The following ANK3 variants were observed in gnomAD, a reference collection of about 807,000 sequenced individuals.
The protein encoded by ANK3 is ankyrin-3.
ANK3 carries 57 observed loss-of-function variants against 370.9 expected under a neutral mutation model. That is an observed-to-expected ratio of 0.15 (90% confidence interval 0.12 to 0.19). ANK3 has a LOEUF of 0.19. Among genes scored for constraint, ANK3 ranks in the 10% least tolerant of loss-of-function variants. The probability of loss-of-function intolerance (pLI) is 1.00; values close to 1 mark genes in which losing one functional copy is unlikely to be tolerated. For synonymous variants in ANK3, 1,929 were observed against 1,946.3 expected (o/e 0.99, Z 0.23); for missense variants, 4,439 against 5,302.1 (o/e 0.84, Z 5.06).
chr10:60,082,554 T>C (rs548798175), intron 34 of ANK3, 61 bp downstream of exon 34: 7 of 1,581,576 alleles, frequency 4.4e-6, no homozygotes, highest in South Asian at 2.3e-5. Context: ...CTTAATTGCA[T>C]ACCAAAGGCC....
upstream of ANK3, among the ~76,000 whole-genome samples, chr10:60,390,537 T>C (rs977798675): frequency 1.3e-5 from 2 of 152,154 alleles, no homozygotes; most frequent in Non-Finnish European, 2.9e-5. Context: ...ATATTCATTA[T>C]GTGAAGTGAA....
intron 24 of ANK3, among the ~76,000 whole-genome samples, chr10:60,136,866 A>G (rs1406277014): frequency 6.6e-6 from 1 of 152,188 alleles, no homozygotes; most frequent in Non-Finnish European, 1.5e-5. Context: ...AGGATCTAGA[A>G]AACATTAAAT....
intron 2 of ANK3, among the ~76,000 whole-genome samples, chr10:60,590,194 C>T (rs1471562087): frequency 6.6e-6 from 1 of 152,148 alleles, no homozygotes; most frequent in Non-Finnish European, 1.5e-5. Flanking sequence ...AATATCGTAG[C>T]CACCAGTCAT....
At chr10:60,235,507 A>C (rs1046618166) in intron 7 of ANK3, among the ~76,000 whole-genome samples, 19 of 151,344 alleles carry the variant, frequency 1.3e-4, no homozygotes, top group African/African-American at 4.6e-4. Context: ...CCAGACTGTC[A>C]AGGAAATGTA....
At chr10:60,226,457 G>A (rs2097146034) in intron 8 of ANK3, among the ~76,000 whole-genome samples, 1 of 108,008 alleles carries the variant, frequency 9.3e-6, no homozygotes, top group African/African-American at 3.7e-5. Flanking sequence ...ATAAAATATA[G>A]TATATATACA....
chr10:60,385,286 C>T (rs1479372940), intron 1 of ANK3, among the ~76,000 whole-genome samples: 1 of 151,820 alleles, frequency 6.6e-6, no homozygotes, highest in Non-Finnish European at 1.5e-5. Flanking sequence ...CATGAGACTC[C>T]TGTTCTTCTG....
chr10:60,085,894 C>A (rs1033537976), intron 30 of ANK3, among the ~76,000 whole-genome samples: 1 of 152,092 alleles, frequency 6.6e-6, no homozygotes, highest in Non-Finnish European at 1.5e-5. Context: ...GGATTACAGG[C>A]GTGAGCCACC....
intron 18 of ANK3, among the ~76,000 whole-genome samples, chr10:60,180,393 C>A (rs2096124282): frequency 6.6e-6 from 1 of 152,028 alleles, no homozygotes; most frequent in Non-Finnish European, 1.5e-5. Context: ...GTGAAGAGAT[C>A]AAGACCATCC....
At chr10:60,659,535 G>A (rs1288087648) in intron 1 of ANK3, among the ~76,000 whole-genome samples, 1 of 152,030 alleles carries the variant, frequency 6.6e-6, no homozygotes, top group Non-Finnish European at 1.5e-5. Context: ...GAAGTAGTCG[G>A]CAGTTGTACA....
intron 2 of ANK3, among the ~76,000 whole-genome samples, chr10:60,573,182 A>G (rs1232311060): frequency 6.6e-6 from 1 of 152,032 alleles, no homozygotes; most frequent in Non-Finnish European, 1.5e-5. Context: ...ACCTACCACT[A>G]CTGGAGAAGT....
chr10:60,569,598 A>G (rs2077543780), intron 2 of ANK3, among the ~76,000 whole-genome samples: 1 of 152,200 alleles, frequency 6.6e-6, no homozygotes, highest in African/African-American at 2.4e-5. Flanking sequence ...GAATCATTAT[A>G]TTCCTGATCA....
intron 2 of ANK3, chr10:60,572,635 G>C: frequency 1.4e-6 from 2 of 1,475,482 alleles, no homozygotes; most frequent in South Asian, 2.8e-5. Context: ...CCATTTACGG[G>C]TGCTCCCCAG....
intron 25 of ANK3, among the ~76,000 whole-genome samples, chr10:60,124,083 T>C (rs540218726): frequency 6.6e-6 from 1 of 152,218 alleles, no homozygotes; most frequent in African/African-American, 2.4e-5. Context: ...CCAAGTAATG[T>C]GAAAGTGGCT....
intron 2 of ANK3, among the ~76,000 whole-genome samples, chr10:60,410,972 C>A (rs1205458816): frequency 1.3e-5 from 2 of 152,126 alleles, no homozygotes; most frequent in Non-Finnish European, 2.9e-5. Context: ...CTGTACCTGG[C>A]CTCTCCCATC....
At chr10:60,116,987 T>G (rs1316796773) in intron 25 of ANK3, among the ~76,000 whole-genome samples, 1 of 152,098 alleles carries the variant, frequency 6.6e-6, no homozygotes, top group East Asian at 1.9e-4. Context: ...TGGTCACAGA[T>G]GGAGGGTCTG....
chr10:60,075,957 T>A lies in ANK3; in HGVS notation c.4924A>T (p.Thr1642Ser), dbSNP rs769122589. The change falls in exon 37 of 44, where the codon ACA becomes TCA. Residue 1642 changes from threonine to serine, a missense_variant. This residue lies in a region of ANK3 where 679 missense variants were observed against 791.0 expected (regional missense o/e 0.86). Transcript: ENST00000280772. The stretch of plus-strand genomic sequence containing the variant: ...TTTGATTTGGGGGAGGCAGGGGGTG[T>A]CATAGTAATTGATGACCTCTCCAAA... ...SLLERSSITM[T>S]PPASPKSNIN... The A allele has an allele frequency of 6.2e-7, 1 of 1,614,082 alleles. No individual in the cohort carries two copies. The highest frequency in any genetic ancestry group is 8.5e-7 in the Non-Finnish European group (1 of 1,179,992).
rs141150655 is a variant in ANK3 at position 60,596,624 on chromosome 10, A to G, written c.96+18562T>C. Among the ~76,000 whole-genome samples, 37 of 152,352 alleles carry G rather than the reference A, an allele frequency of 2.4e-4. No homozygotes were observed. The East Asian group carries it at 6.0e-3, about 25-fold the overall frequency. ...CTTTAATGGTCTTAATATAAAGTCA[A>G]TAGTATATTAGACATGTTTCACTTT... On this transcript the variant is annotated intron_variant, in intron 2 of 43. Transcript: ENST00000373827.
At chr10:60,669,910 C>T (rs2079044846) in intron 1 of ANK3, among the ~76,000 whole-genome samples, 1 of 152,142 alleles carries the variant, frequency 6.6e-6, no homozygotes, top group South Asian at 2.1e-4. Context: ...GTAGCCTTGA[C>T]CTCCTAGGTT....
At chr10:60,036,937 A>G (rs1405763085) in intron 43 of ANK3, among the ~76,000 whole-genome samples, 1 of 152,176 alleles carries the variant, frequency 6.6e-6, no homozygotes, top group Non-Finnish European at 1.5e-5. Context: ...ATGTAACATA[A>G]ATACTTGGAT....
Sources: allele counts gnomAD v4.1 joint callset (sites outside exome capture counted in the v4.1 genomes callset), GRCh38; gene constraint gnomAD v4.1.1; regional missense constraint gnomAD v4.1.1; transcripts MANE v1.5; gene names NCBI Gene and HGNC (gene_info 2026-07-23, HGNC 2026-07-21).